The following DENND2A variants were observed in gnomAD, a reference collection of about 807,000 sequenced individuals.
DENND2A encodes DENN domain containing 2A.
Under a neutral mutation model 105.3 loss-of-function variants are expected in DENND2A, and 53 were observed. The ratio of observed to expected loss-of-function variants is 0.50; its 90% CI spans 0.40 to 0.63. DENND2A has a LOEUF of 0.63. Ranked by LOEUF, DENND2A falls within the 30% of genes least tolerant of loss-of-function variation. The pLI is 0.00. For missense variants in DENND2A, 1,138 were observed against 1,279.6 expected, an observed-to-expected ratio of 0.89 and a Z score of 1.69; for synonymous variants, 522 against 508.4, an observed-to-expected ratio of 1.03 and a Z score of -0.36.
intron 2 of DENND2A, among the ~76,000 whole-genome samples, chr7:140,604,591 T>C (rs929155384): frequency 1.3e-5 from 2 of 152,222 alleles, no homozygotes; most frequent in African/African-American, 2.4e-5. Flanking sequence ...AGAGGCAAGA[T>C]GAAGAGAGAG....
At chr7:140,627,417 G>A (rs1800573185) in intron 1 of DENND2A, among the ~76,000 whole-genome samples, 1 of 152,082 alleles carries the variant, frequency 6.6e-6, no homozygotes, top group Non-Finnish European at 1.5e-5. Flanking sequence ...GTTTCACCAT[G>A]TTGGCCAGGC....
chr7:140,569,597 T>C (rs774435170), intron 7 of DENND2A, 48 bp downstream of exon 7: 5 of 1,321,770 alleles, frequency 3.8e-6, no homozygotes, highest in Non-Finnish European at 5.5e-6. Flanking sequence ...CTGGAAAGAA[T>C]CTCTTTTCCG....
At chr7:140,521,192 C>T (rs111320478) in intron 18 of DENND2A, among the ~76,000 whole-genome samples, 1,676 of 152,088 alleles carry the variant, frequency 0.011, 36 homozygotes, top group African/African-American at 0.036. Flanking sequence ...AGCTTTTAAG[C>T]TTGTGTGTCT....
At chr7:140,579,718 C>A (rs567079525) in intron 5 of DENND2A, among the ~76,000 whole-genome samples, 1 of 152,000 alleles carries the variant, frequency 6.6e-6, no homozygotes, top group Non-Finnish European at 1.5e-5. Context: ...GCACACCACA[C>A]GAGATGTGTG....
At chr7:140,611,494 C>A (rs1292019974) in intron 1 of DENND2A, among the ~76,000 whole-genome samples, 2 of 152,148 alleles carry the variant, frequency 1.3e-5, no homozygotes, top group African/African-American at 4.8e-5. Flanking sequence ...GCCTTGATTG[C>A]ATCACTGCAC....
intron 3 of DENND2A, among the ~76,000 whole-genome samples, chr7:140,590,180 G>T (rs557099304): frequency 8.2e-4 from 124 of 151,656 alleles, no homozygotes; most frequent in African/African-American, 2.9e-3. Flanking sequence ...ACTTGAGGTT[G>T]GGGGTTCGTG....
At chr7:140,579,689 T>G (rs1191337164) in intron 5 of DENND2A, among the ~76,000 whole-genome samples, 2 of 152,018 alleles carry the variant, frequency 1.3e-5, no homozygotes, top group Non-Finnish European at 2.9e-5. Context: ...TATACACACA[T>G]GCACACAAAC....
At chr7:140,639,152 G>C (rs1801077841) in intron 1 of DENND2A, among the ~76,000 whole-genome samples, 1 of 151,984 alleles carries the variant, frequency 6.6e-6, no homozygotes, top group South Asian at 2.1e-4. Flanking sequence ...AGCAGTTCAA[G>C]ACCAGCCTGG....
At chr7:140,536,056 GA>G (rs1383657478) in intron 14 of DENND2A, among the ~76,000 whole-genome samples, 9 of 152,112 alleles carry the variant, frequency 5.9e-5, no homozygotes, top group Admixed American at 5.9e-4. Flanking sequence ...CACTCACTAA[GA>G]AATTCATAGA....
chr7:140,569,232 T>C (rs1477717828), intron 7 of DENND2A, among the ~76,000 whole-genome samples: 1 of 152,182 alleles, frequency 6.6e-6, no homozygotes, highest in Non-Finnish European at 1.5e-5. Flanking sequence ...CCGCCTCTTG[T>C]TGTCTCTTTC....
chr7:140,582,667 C>T (rs1798592005), intron 5 of DENND2A, among the ~76,000 whole-genome samples: 1 of 152,178 alleles, frequency 6.6e-6, no homozygotes, highest in Admixed American at 6.5e-5. Context: ...CAGGCAGCAT[C>T]CCTTTATGGC....
chr7:140,591,823 TTCCC>T (rs972974320), intron 3 of DENND2A, among the ~76,000 whole-genome samples: 14 of 145,980 alleles, frequency 9.6e-5, no homozygotes, highest in East Asian at 8.0e-4. Flanking sequence ...TTCTCTTTCT[TTCCC>T]TCCCTCCCTC....
At chr7:140,607,619 C>T (rs1183143161) in intron 1 of DENND2A, among the ~76,000 whole-genome samples, 1 of 152,140 alleles carries the variant, frequency 6.6e-6, no homozygotes, top group Non-Finnish European at 1.5e-5. Context: ...CTTTCAGGGA[C>T]AGGAAGGAAC....
intron 14 of DENND2A, among the ~76,000 whole-genome samples, chr7:140,535,461 G>A (rs1023423561): frequency 4.6e-5 from 7 of 152,182 alleles, no homozygotes; most frequent in African/African-American, 1.2e-4. Context: ...TACTCTCTGC[G>A]TGATCTCAGG....
chr7:140,547,553 T>G (rs1563131433), intron 12 of DENND2A, among the ~76,000 whole-genome samples: 1 of 152,172 alleles, frequency 6.6e-6, no homozygotes, highest in Non-Finnish European at 1.5e-5. Flanking sequence ...ATAGTGAAGC[T>G]ACTCTGGAGA....
chr7:140,621,914 T>G (rs555568497), intron 1 of DENND2A, among the ~76,000 whole-genome samples: 5 of 152,192 alleles, frequency 3.3e-5, no homozygotes, highest in South Asian at 4.1e-4. Flanking sequence ...GACTAATATT[T>G]AAGGAAGCAC....
At chr7:140,628,941 T>C (rs1476269634) in intron 1 of DENND2A, among the ~76,000 whole-genome samples, 4 of 152,132 alleles carry the variant, frequency 2.6e-5, no homozygotes, top group African/African-American at 9.7e-5. Context: ...GAGGTGCTAT[T>C]GGGAATACAC....
At chr7:140,625,284 GGA>G (rs1800477401) in intron 1 of DENND2A, among the ~76,000 whole-genome samples, 1 of 151,474 alleles carries the variant, frequency 6.6e-6, no homozygotes, top group Non-Finnish European at 1.5e-5. Context: ...GGCTGAGGCA[GGA>G]GAGTCACTTG....
At chr7:140,595,983 C>T (rs776864338) in intron 3 of DENND2A, among the ~76,000 whole-genome samples, 4 of 152,122 alleles carry the variant, frequency 2.6e-5, no homozygotes, top group South Asian at 2.1e-4. Flanking sequence ...TCAGGGCAGG[C>T]GGCTAGGCAG....
Sources: gnomAD v4.1 joint callset for allele counts (sites outside exome capture counted in the v4.1 genomes callset) on GRCh38, gnomAD v4.1.1 for gene constraint, MANE v1.5 for transcripts, NCBI Gene and HGNC (gene_info 2026-07-23, HGNC 2026-07-21) for gene names.